The following DHX35 variants were observed in gnomAD, a reference collection of about 807,000 sequenced individuals.
The protein encoded by DHX35 is probable ATP-dependent RNA helicase DHX35.
A neutral mutation model predicts 99.6 loss-of-function variants in DHX35; 84 were observed. The ratio of observed to expected loss-of-function variants is 0.84; its 90% CI spans 0.71 to 1.01. The LOEUF is 1.01. DHX35 is among the 50% of genes least tolerant of loss of function. The pLI is 0.00. For synonymous variants in DHX35, 331 were observed against 316.2 expected (o/e 1.05, Z -0.50); for missense variants, 852 against 888.5 (o/e 0.96, Z 0.52).
At chr20:38,982,425 T>C (rs1201990510) in intron 3 of DHX35, among the ~76,000 whole-genome samples, 1 of 152,262 alleles carries the variant, frequency 6.6e-6, no homozygotes, top group East Asian at 1.9e-4. Context: ...AGTGTGGTTA[T>C]GTTATTCATT....
chr20:39,018,788 G>T lies in DHX35; in HGVS notation c.1403-16G>T. On this transcript the variant is annotated splice_polypyrimidine_tract_variant and intron_variant, in intron 14 of 21. Coordinates refer to ENST00000252011, the MANE Select transcript of DHX35 (RefSeq NM_021931.4). ...TGGTACCTGCCTTCTGATTTCTTTT[G>T]TTGTTCTTATGGCAGGTCTGGACAA... 3 of 1,612,194 alleles carry T rather than the reference G, an allele frequency of 1.9e-6. No homozygotes were observed. The highest frequency in any genetic ancestry group is 2.5e-6 in the Non-Finnish European group (3 of 1,178,754).
chr20:39,009,102 G>T (rs2086661200), intron 12 of DHX35, among the ~76,000 whole-genome samples: 2 of 152,192 alleles, frequency 1.3e-5, no homozygotes, highest in Admixed American at 1.3e-4. Context: ...GCCTGTCATT[G>T]AACTTTTAGG....
At chr20:39,010,145 A>G (rs1008707160) in intron 12 of DHX35, 135 bp from the exon 13 acceptor site, 4 of 1,121,322 alleles carry the variant, frequency 3.6e-6, no homozygotes, top group African/African-American at 3.1e-5. Context: ...ACTTTATATC[A>G]TGGTATCATG....
Position 39,021,916 on chromosome 20 carries a change from C to A in DHX35, c.1574C>A (p.Pro525Gln), listed in dbSNP as rs776241724. 1.2e-6 allele frequency: 2 copies of A among 1,614,024 alleles called. No individual in the cohort carries two copies. The highest frequency in any genetic ancestry group is 1.3e-5 in the African/African-American group (1 of 74,932). The change falls in exon 16 of 22, where the codon CCA (proline) becomes CAA (glutamine). Residue 525 changes from proline (P) to glutamine (Q), a missense_variant. Physicochemically the swap from Pro to Gln is moderately conservative, Grantham distance 76. Transcript: ENST00000252011. The part of the protein sequence containing the change: ...MQIQNIFVVP[P>Q]NQKSHAIRVH... ...ATCCAGAATATCTTTGTGGTCCCCC[C>A]AAACCAGAAGTCTCACGCAGTAAGT...
chr20:38,995,760 G>T (rs901580889), intron 8 of DHX35, among the ~76,000 whole-genome samples: 1 of 152,210 alleles, frequency 6.6e-6, no homozygotes, highest in African/African-American at 2.4e-5. Context: ...CAGCTGGGGG[G>T]TGTCCAGAAA....
At chr20:38,977,643 C>T (rs1282086040) in intron 3 of DHX35, 1 of 351,842 alleles carries the variant, frequency 2.8e-6, no homozygotes. Context: ...ACCTGGACAA[C>T]ATTTATCAAA....
In DHX35 at chr20:39,018,842, A is replaced by G. The variant is rs759118719; in HGVS notation, c.1441A>G (p.Met481Val). The G allele has an allele frequency of 3.7e-6, 6 of 1,613,908 alleles. No homozygotes were observed. The highest frequency in any genetic ancestry group is 5.1e-6 in the Non-Finnish European group (6 of 1,179,950). ...KDCRLTEPLG[M>V]RIAEFPLNPM... Reference sequence around the variant, plus strand: ...CTGTCGCCTAACTGAACCGCTTGGCATGAGAATTGCAGAGTTTCCTTTGAA... The same window carrying G: ...CTGTCGCCTAACTGAACCGCTTGGCGTGAGAATTGCAGAGTTTCCTTTGAA... The change falls in exon 15 of 22, where the codon ATG (methionine) becomes GTG (valine). Residue 481 changes from methionine (M) to valine (V), a missense_variant. Coordinates refer to ENST00000252011, the MANE Select transcript of DHX35 (RefSeq NM_021931.4).
chr20:38,979,827 ATTTTT>A (rs11476490), intron 3 of DHX35, among the ~76,000 whole-genome samples: 1 of 143,466 alleles, frequency 7.0e-6, no homozygotes, highest in Non-Finnish European at 1.5e-5. Flanking sequence ...AACCTAGATG[ATTTTT>A]TTTTTTTTTA....
At chr20:38,971,087 T>A (rs1046676641) in intron 2 of DHX35, among the ~76,000 whole-genome samples, 25 of 152,310 alleles carry the variant, frequency 1.6e-4, no homozygotes, top group African/African-American at 5.8e-4. Flanking sequence ...TGTGGTGGCT[T>A]ACGGCTGTAA....
chr20:38,969,262 G>A, intron 2 of DHX35, 48 bp downstream of exon 2: 1 of 1,567,504 alleles, frequency 6.4e-7, no homozygotes, highest in Non-Finnish European at 8.7e-7. Context: ...TCGTGTGTCT[G>A]CATTAGCTTT....
chr20:38,984,311 AC>A (rs1021186104), intron 4 of DHX35, among the ~76,000 whole-genome samples: 6 of 152,362 alleles, frequency 3.9e-5, no homozygotes, highest in South Asian at 2.1e-4. Flanking sequence ...AAATAAAAAA[AC>A]AATATATTTT....
At chr20:38,963,345 G>A (rs1369517155) in intron 1 of DHX35, among the ~76,000 whole-genome samples, 1 of 152,204 alleles carries the variant, frequency 6.6e-6, no homozygotes, top group Non-Finnish European at 1.5e-5. Context: ...ATGACACCAA[G>A]AATGTAATAT....
At chr20:39,028,343 A>T in intron 18 of DHX35, 75 bp from the exon 19 acceptor site, 1 of 1,431,648 alleles carries the variant, frequency 7.0e-7, no homozygotes, top group Admixed American at 1.7e-5. Flanking sequence ...CTGGGAGTGG[A>T]TCCTGTGCAT....
rs779807363 is a variant in DHX35, at chr20:38,962,365, A to G, written c.-3A>G. On this transcript the variant is annotated 5_prime_UTR_variant, in exon 1 of 22. Transcript: ENST00000252011. ...AGCTAGCCTCGTGACCTTTTACCCC[A>G]ACATGGCTGCGCCCGTGGGACCGGT... 1.2e-6 allele frequency: 2 copies of G among 1,612,518 alleles called. No homozygotes were observed. The highest frequency in any genetic ancestry group is 8.5e-7 in the Non-Finnish European group (1 of 1,179,218).
At chr20:38,968,495 A>G (rs1238768580) in intron 1 of DHX35, among the ~76,000 whole-genome samples, 1 of 152,104 alleles carries the variant, frequency 6.6e-6, no homozygotes, top group African/African-American at 2.4e-5. Flanking sequence ...GTGCTCTGTA[A>G]TACACAGTTC....
chr20:38,974,650 G>T (rs889659403), intron 3 of DHX35, among the ~76,000 whole-genome samples: 1 of 152,222 alleles, frequency 6.6e-6, no homozygotes, highest in Non-Finnish European at 1.5e-5. Context: ...GACGTAGAAG[G>T]TGTGGACATA....
Position 39,014,793 on chromosome 20 carries a change from G to A in DHX35, c.1348-87G>A, listed in dbSNP as rs1443434082. ...GGGAAGAATGGGGCATGTTAGAGGGGAGAATGGATTTGAAAAGGAAACAGC... is the reference window on the plus strand; with the variant it reads ...GGGAAGAATGGGGCATGTTAGAGGGAAGAATGGATTTGAAAAGGAAACAGC... On this transcript the variant is annotated intron_variant, in intron 13 of 21. Transcript: ENST00000252011. The A allele has an allele frequency of 2.7e-6, 4 of 1,502,222 alleles. No homozygotes were observed. In the East Asian group the frequency reaches 9.0e-5, roughly 34 times the overall value. The allele number at this position is 1,502,222 out of a possible 1,614,324, so 93.1% of individuals were successfully genotyped here.
intron 15 of DHX35, among the ~76,000 whole-genome samples, chr20:39,020,652 G>A (rs2086858808): frequency 2.0e-5 from 2 of 101,764 alleles, no homozygotes; most frequent in African/African-American, 8.3e-5. Flanking sequence ...TTAGAAACAG[G>A]ATTCTTTTTT....
chr20:39,000,276 G>C (rs1346024098), intron 8 of DHX35, among the ~76,000 whole-genome samples: 1 of 152,146 alleles, frequency 6.6e-6, no homozygotes, highest in Non-Finnish European at 1.5e-5. Flanking sequence ...GCTCTTTCCT[G>C]GTCACAGGGT....
Sources: gnomAD v4.1 joint callset for allele counts (sites outside exome capture counted in the v4.1 genomes callset) on GRCh38, gnomAD v4.1.1 for gene constraint, MANE v1.5 for transcripts, NCBI Gene and HGNC (gene_info 2026-07-23, HGNC 2026-07-21) for gene names.